Variants in PCDHA4 observed in about 807,000 individuals in gnomAD.
PCDHA4 encodes protocadherin alpha 4.
PCDHA4 carries 49 observed loss-of-function variants against 61.4 expected under a neutral mutation model. The ratio of observed to expected loss-of-function variants is 0.80; its 90% CI spans 0.63 to 1.01. The LOEUF is 1.01. Among genes scored for constraint, PCDHA4 ranks in the 50% least tolerant of loss-of-function variants. The probability of loss-of-function intolerance (pLI) is 0.00; values close to 1 mark genes in which losing one functional copy is unlikely to be tolerated. For missense variants in PCDHA4, 1,254 were observed against 1,235.8 expected (o/e 1.01, Z -0.22); for synonymous variants, 590 against 550.3 (o/e 1.07, Z -1.01).
In PCDHA4 at chr5:140,982,572, C is replaced by T; in HGVS notation, c.2533+9C>T. On this transcript the variant is annotated intron_variant, in intron 3 of 3. Coordinates refer to ENST00000530339, the MANE Select transcript of PCDHA4 (RefSeq NM_018907.4). ...ATCCAGTGCAACACCAGGTAAAGAG[C>T]TGGGGTCTCTCCATTCTTTCTTGGT... is the stretch of plus-strand genomic sequence containing the variant. 4 of 1,613,760 alleles carry T rather than the reference C, an allele frequency of 2.5e-6. No homozygotes were observed. Among genetic ancestry groups the T allele is most frequent in the Non-Finnish European group, 3.4e-6 (4 of 1,179,726 alleles).
At chr5:140,909,505 G>A (rs2074548695) in intron 1 of PCDHA4, among the ~76,000 whole-genome samples, 1 of 152,168 alleles carries the variant, frequency 6.6e-6, no homozygotes. Flanking sequence ...GGATGTGGTG[G>A]GAATCACAAC....
chr5:140,841,457 G>T (rs2150315897), intron 1 of PCDHA4: 1 of 1,612,920 alleles, frequency 6.2e-7, no homozygotes, highest in South Asian at 1.1e-5. Flanking sequence ...CACCTTCGTG[G>T]GCCGGATCGC....
At position 141,009,749 on chromosome 5, in the gene PCDHA4, A is replaced by G. The variant is rs2098414176; in HGVS notation, c.2656A>G (p.Ile886Val). Residue 886 changes from isoleucine to valine, a missense_variant, in exon 4 of 4, where the codon ATT (isoleucine) becomes GTT (valine). Ile to Val is a conservative substitution (Grantham distance 29). Transcript: ENST00000530339. ...SGPGELPDKFIIPGSPAIISI... is the reference protein window; with the variant it reads ...SGPGELPDKFVIPGSPAIISI... The stretch of plus-strand genomic sequence containing the variant: ...TCCCGGTGAGTTGCCCGACAAATTC[A>G]TTATCCCAGGATCTCCTGCAATCAT... 3 of 1,614,200 alleles carry G rather than the reference A, an allele frequency of 1.9e-6. No homozygotes were observed. The highest frequency in any genetic ancestry group is 1.6e-4 in the Middle Eastern group (1 of 6,062).
At chr5:140,842,501 C>T in intron 1 of PCDHA4, 1 of 1,613,826 alleles carries the variant, frequency 6.2e-7, no homozygotes, top group Non-Finnish European at 8.5e-7. Flanking sequence ...GCCCCATGTC[C>T]CCTTCAAGCT....
Position 141,010,037 on chromosome 5 carries a change from C to A in PCDHA4, c.*100C>A. The A allele has an allele frequency of 1.3e-6, 2 of 1,582,242 alleles. No individual in the cohort carries two copies. The highest frequency in any genetic ancestry group is 1.2e-5 in the South Asian group (1 of 84,630). On this transcript the variant is annotated 3_prime_UTR_variant, in exon 4 of 4. Transcript: ENST00000530339. ...GCTCCTTTTTCCTATCTACATGAGC[C>A]CTCTTAGAGACCTCAGAAATCTGCA...
At chr5:140,882,318 G>T (rs534213144) in intron 1 of PCDHA4, 1 of 1,614,128 alleles carries the variant, frequency 6.2e-7, no homozygotes, top group African/African-American at 1.3e-5. Flanking sequence ...CTACTGCTCT[G>T]GCTTCTGATC....
chr5:140,856,253 A>T lies in PCDHA4; in HGVS notation c.2385+46681A>T, dbSNP rs545226629. On this transcript the variant is annotated intron_variant, in intron 1 of 3. Coordinates refer to ENST00000530339, the MANE Select transcript of PCDHA4 (RefSeq NM_018907.4). ...GCGCCTGTTCCGGGTGGCGTCCAAA[A>T]GACACGGGGACCTTCTGGAGGTAAA... The T allele has an allele frequency of 1.3e-6, 2 of 1,598,032 alleles. 1 individual carries two copies. The highest frequency in any genetic ancestry group is 2.7e-5 in the African/African-American group (2 of 74,378).
chr5:140,967,026 C>G, intron 1 of PCDHA4: 2 of 1,608,434 alleles, frequency 1.2e-6, no homozygotes, highest in East Asian at 4.5e-5. Flanking sequence ...GCGCCCAGTC[C>G]GCGCTACCTG....
At chr5:140,866,122 C>T (rs556292123) in intron 1 of PCDHA4, 1 of 152,178 alleles carries the variant, frequency 6.6e-6, no homozygotes, top group East Asian at 1.9e-4. Flanking sequence ...CTTATAAGAA[C>T]TACGTATCTG....
chr5:140,906,252 C>A (rs1376694912), intron 1 of PCDHA4, among the ~76,000 whole-genome samples: 1 of 152,180 alleles, frequency 6.6e-6, no homozygotes, highest in African/African-American at 2.4e-5. Context: ...AACCCATACA[C>A]ACCTCCTGAA....
intron 1 of PCDHA4, chr5:140,869,239 G>A: frequency 6.2e-7 from 1 of 1,613,652 alleles, no homozygotes; most frequent in Non-Finnish European, 8.5e-7. Context: ...CACCTTCGTG[G>A]GCCGCATCGC....
chr5:140,830,268 C>A (rs2150183808), intron 1 of PCDHA4: 5 of 1,613,634 alleles, frequency 3.1e-6, no homozygotes, highest in Admixed American at 1.7e-5. Flanking sequence ...TGCTCGGCGC[C>A]ACCCACCGAG....
intron 1 of PCDHA4, chr5:140,827,876 G>A (rs902011633): frequency 7.7e-6 from 5 of 646,162 alleles, no homozygotes; most frequent in Admixed American, 2.9e-5. Context: ...GCACTGTTAC[G>A]TGAATTGATT....
rs782568790 is a variant in PCDHA4 at position 140,856,315 on chromosome 5, T to C, written c.2385+46743T>C. On this transcript the variant is annotated intron_variant, in intron 1 of 3. Transcript: ENST00000530339. ...GCATTTTGTTTGTGAATTCTCGGAT[T>C]GACCGCGAGGAGCTGTGCGGGCGGA... 131 of 1,598,516 alleles carry C rather than the reference T, an allele frequency of 8.2e-5. 15 individuals are homozygous for C. The highest frequency in any genetic ancestry group is 1.9e-4 in the Admixed American group (11 of 59,298).
intron 1 of PCDHA4, chr5:140,883,199 G>A (rs782445481): frequency 6.2e-7 from 1 of 1,613,862 alleles, no homozygotes; most frequent in Non-Finnish European, 8.5e-7. Context: ...ACTAGATTTC[G>A]AAGAAAAGAA....
At position 140,849,972 on chromosome 5, in the gene PCDHA4, T is replaced by C. The variant is rs2150460905; in HGVS notation, c.2385+40400T>C. On this transcript the variant is annotated intron_variant, in intron 1 of 3. Transcript: ENST00000530339. The stretch of plus-strand genomic sequence containing the variant: ...GCAGGAGAACGCCCTGGTGTCCTAC[T>C]CGCTGGTGGAGCGGCGGTTGGGCGA... 4 of 1,597,588 alleles carry C rather than the reference T, an allele frequency of 2.5e-6. 1 individual carries two copies. Among genetic ancestry groups the C allele is most frequent in the Non-Finnish European group, 3.4e-6 (4 of 1,167,892 alleles).
intron 1 of PCDHA4, among the ~76,000 whole-genome samples, chr5:140,952,280 G>A (rs1320502466): frequency 2.0e-5 from 3 of 151,652 alleles, no homozygotes; most frequent in Non-Finnish European, 4.4e-5. Context: ...TGAGGGTGGT[G>A]GCCCTCTTCT....
At chr5:140,997,604 G>A (rs1271144424) in intron 3 of PCDHA4, among the ~76,000 whole-genome samples, 2 of 152,136 alleles carry the variant, frequency 1.3e-5, no homozygotes, top group East Asian at 1.9e-4. Flanking sequence ...ATTATGGGGC[G>A]CATGACTATA....
At chr5:140,948,708 C>T (rs1376587735) in intron 1 of PCDHA4, among the ~76,000 whole-genome samples, 1 of 151,114 alleles carries the variant, frequency 6.6e-6, no homozygotes, top group Non-Finnish European at 1.5e-5. Flanking sequence ...TGTGTTCTAT[C>T]CTCTTTTTTA....
Sources: gnomAD v4.1 joint callset for allele counts (sites outside exome capture counted in the v4.1 genomes callset) on GRCh38, gnomAD v4.1.1 for gene constraint, MANE v1.5 for transcripts, NCBI Gene and HGNC (gene_info 2026-07-23, HGNC 2026-07-21) for gene names.